CIZ1: variants seen among roughly 807,000 people sequenced by gnomAD.
The protein encoded by CIZ1 is CDKN1A interacting zinc finger protein 1.
CIZ1 carries 58 observed loss-of-function variants against 118.6 expected under a neutral mutation model. The ratio of observed to expected loss-of-function variants is 0.49; its 90% confidence interval spans 0.40 to 0.61. CIZ1 has a LOEUF of 0.61. Among genes scored for constraint, CIZ1 ranks in the 20% least tolerant of loss-of-function variants. The probability of loss-of-function intolerance (pLI) is 0.00; values close to 1 mark genes in which losing one functional copy is unlikely to be tolerated. For missense variants in CIZ1, 921 were observed against 1,115.9 expected (o/e 0.83, Z 2.49); for synonymous variants, 448 against 443.4 (o/e 1.01, Z -0.13).
At position 128,203,390 on chromosome 9, in the gene CIZ1, G is replaced by T. The variant is rs534786408; in HGVS notation, c.-6+796C>A. 87 of 1,286,388 alleles carry T rather than the reference G, an allele frequency of 6.8e-5. 1 individual carries two copies. The South Asian group carries it at 1.5e-3, about 23-fold the overall frequency. 79.7% of individuals were successfully genotyped at this position (1,286,388 alleles called of 1,614,324 possible). On this transcript the variant is annotated intron_variant, in intron 1 of 17. Coordinates refer to the CIZ1 transcript ENST00000372948. This position sits in a 1 kb window ranked among gnomAD's most constrained non-coding sequence, Gnocchi z 5.3. Reference sequence around the variant, plus strand: ...CCCGCGGCGCAGGCAGTCTGGGCGCGCGGCTGCAGCGGCGGAGCCGGAGTC... The same window carrying T: ...CCCGCGGCGCAGGCAGTCTGGGCGCTCGGCTGCAGCGGCGGAGCCGGAGTC...
At chr9:128,193,689 G>A (rs1180663189), upstream of CIZ1, among the ~76,000 whole-genome samples, 1 of 152,018 alleles carries the variant, frequency 6.6e-6, no homozygotes, top group Admixed American at 6.6e-5. Flanking sequence ...CAGCCTGGGC[G>A]ACAGAGTGAG....
Position 128,176,347 on chromosome 9 carries a change from T to G in CIZ1, c.1943+4A>C, listed in dbSNP as rs751125034. 2.0e-5 allele frequency: 33 copies of G among 1,613,378 alleles called. No individual in the cohort carries two copies. Among genetic ancestry groups the G allele is most frequent in the Non-Finnish European group, 2.7e-5 (32 of 1,179,658 alleles). On this transcript the variant is annotated splice_donor_region_variant and intron_variant, in intron 11 of 16. Coordinates refer to ENST00000372938, the MANE Select transcript of CIZ1 (RefSeq NM_001131016.2). ...ACACAGAGCTTCCACGATCCCCCAC[T>G]CACTCATCCTCTGTCTCCAGGACGT...
chr9:128,172,607 G>A (rs1156271835), intron 11 of CIZ1, among the ~76,000 whole-genome samples: 2 of 152,190 alleles, frequency 1.3e-5, no homozygotes, highest in Non-Finnish European at 1.5e-5. Context: ...ATAAAGCCCT[G>A]TAAGAGCTCT....
At position 128,179,151 on chromosome 9, in the gene CIZ1, C is replaced by T; in HGVS notation, c.1056G>A (p.Glu352=). ...QKQAQTQTSP[E]HLVLQQKQVQ... ...CCTGCTTCTGTTGCAGCACTAAGTGCTCTGGAGAGGTCTGTGTTTGCGCCT... is the reference window on the plus strand; with the variant it reads ...CCTGCTTCTGTTGCAGCACTAAGTGTTCTGGAGAGGTCTGTGTTTGCGCCT... Residue 352 remains glutamate, a synonymous_variant, in exon 8 of 17, where the codon GAG becomes GAA. Coordinates refer to ENST00000372938, the MANE Select transcript of CIZ1 (RefSeq NM_001131016.2). 5.0e-6 allele frequency: 8 copies of T among 1,614,132 alleles called. No homozygotes were observed. The highest frequency in any genetic ancestry group is 6.8e-6 in the Non-Finnish European group (8 of 1,180,028).
chr9:128,191,744 G>T, upstream of CIZ1: 1 of 1,392,510 alleles, frequency 7.2e-7, no homozygotes, highest in Non-Finnish European at 9.3e-7. This position sits in a 1 kb window ranked among gnomAD's most constrained non-coding sequence, Gnocchi z 5.5. Context: ...TCTGTCCCGC[G>T]TCCTCCGCAT....
At chr9:128,187,601 AATACAT>A (rs1379418226) in intron 4 of CIZ1, among the ~76,000 whole-genome samples, 1 of 152,248 alleles carries the variant, frequency 6.6e-6, no homozygotes, top group Non-Finnish European at 1.5e-5. Flanking sequence ...ACTTGAAACA[AATACAT>A]ATACACATAT....
intron 5 of CIZ1, among the ~76,000 whole-genome samples, chr9:128,181,839 C>A (rs1564281689): frequency 6.6e-6 from 1 of 151,718 alleles, no homozygotes; most frequent in Admixed American, 6.6e-5. Flanking sequence ...TTGTGGAGGG[C>A]CTGACATCAG....
At chr9:128,199,784 C>CT (rs34269035) in intron 1 of CIZ1, 60,838 of 128,620 alleles carry the variant, frequency 0.47, 16,855 homozygotes, top group South Asian at 0.7. Flanking sequence ...TTCTTTCTTT[C>CT]TTTTTTTTTT....
At chr9:128,180,640 T>A in intron 6 of CIZ1, 81 bp downstream of exon 6, 1 of 1,356,526 alleles carries the variant, frequency 7.4e-7, no homozygotes, top group Non-Finnish European at 1.0e-6. Context: ...CTCCCACACC[T>A]GCCTCTATCA....
chr9:128,201,718 C>A (rs1019822764), intron 1 of CIZ1, among the ~76,000 whole-genome samples: 2 of 152,236 alleles, frequency 1.3e-5, no homozygotes, highest in African/African-American at 4.8e-5. Context: ...GCCCCCTGAG[C>A]ACTAGGCCTG....
At chr9:128,173,652 G>C (rs1379502729) in intron 11 of CIZ1, among the ~76,000 whole-genome samples, 1 of 152,114 alleles carries the variant, frequency 6.6e-6, no homozygotes, top group Non-Finnish European at 1.5e-5. Flanking sequence ...GGTGGGGAGA[G>C]AACATGGTCA....
intron 11 of CIZ1, among the ~76,000 whole-genome samples, chr9:128,171,217 A>G (rs904086348): frequency 5.3e-5 from 8 of 151,366 alleles, no homozygotes; most frequent in Non-Finnish European, 1.0e-4. Flanking sequence ...GGATCGCTTG[A>G]GCCTAGAAGT....
rs544225182 is a variant in CIZ1, at chr9:128,167,025, G to C, written c.2365+70C>G. 16 of 1,578,942 alleles carry C rather than the reference G, an allele frequency of 1.0e-5. No individual in the cohort carries two copies. In the East Asian group the frequency reaches 3.0e-4, roughly 29 times the overall value. On this transcript the variant is annotated intron_variant, in intron 15 of 16. Transcript: ENST00000372938. ...AGCCAGAATGCCATGGCTGGGATAT[G>C]GGAGGGTCATGTGGAGGCTGGGCCC...
rs750548461 is a variant in CIZ1, at chr9:128,166,210, C to T, written c.2684G>A (p.Arg895His). The change falls in exon 17 of 17, where the codon CGC becomes CAC. Residue 895 changes from arginine (R) to histidine (H), a missense_variant. Transcript: ENST00000372938. The surrounding 1 kb of genome is among the most constrained non-coding windows in gnomAD (Gnocchi z 4.4). ...GAGGTCCCTCTATCAGGTTTTGAGG[C>T]GGGTTGAGCGCCGAGGTAGTGGGGG... ...SQPPLPRRST[R>H]LKT is the part of the protein sequence containing the mutation. 4 of 1,253,612 alleles carry T rather than the reference C, an allele frequency of 3.2e-6. No homozygotes were observed. The African/African-American group carries it at 4.8e-5, about 15-fold the overall frequency. 77.7% of individuals were successfully genotyped at this position (1,253,612 alleles called of 1,614,324 possible).
At chr9:128,168,407 T>C (rs1413125132) in intron 14 of CIZ1, among the ~76,000 whole-genome samples, 3 of 151,838 alleles carry the variant, frequency 2.0e-5, no homozygotes, top group Non-Finnish European at 4.4e-5. Flanking sequence ...TCCCAGCTAC[T>C]TGGGAGGCTG....
intron 5 of CIZ1, among the ~76,000 whole-genome samples, chr9:128,183,862 T>G (rs1045290033): frequency 6.6e-6 from 1 of 152,102 alleles, no homozygotes; most frequent in African/African-American, 2.4e-5. Flanking sequence ...GTCTTCCAGG[T>G]TCAAGTGATT....
chr9:128,185,720 G>T lies in CIZ1; in HGVS notation c.415C>A (p.Pro139Thr), dbSNP rs753487535. ...AAATTTGGAGTGGCCAGTTGTGGGG[G>T]TGTGAGGCTGGGGGCTGCGAGGCCT... ...SPGLAAPSLTPPQLATPNLQQ... is the reference protein window; with the variant it reads ...SPGLAAPSLTTPQLATPNLQQ... The change falls in exon 5 of 17, where the codon CCC becomes ACC. Residue 139 changes from proline to threonine, a missense_variant. Coordinates refer to ENST00000372938, the MANE Select transcript of CIZ1 (RefSeq NM_001131016.2). 12 of 1,612,626 alleles carry T rather than the reference G, an allele frequency of 7.4e-6. No homozygotes were observed. The South Asian group carries it at 1.3e-4, about 18-fold the overall frequency.
At chr9:128,184,031 G>A (rs965837918) in intron 5 of CIZ1, among the ~76,000 whole-genome samples, 1 of 152,194 alleles carries the variant, frequency 6.6e-6, no homozygotes, top group African/African-American at 2.4e-5. Context: ...GCCTCCCAAA[G>A]TGTTGGGATT....
intron 4 of CIZ1, among the ~76,000 whole-genome samples, chr9:128,187,410 T>C (rs1213581101): frequency 6.6e-6 from 1 of 152,150 alleles, no homozygotes; most frequent in East Asian, 1.9e-4. Flanking sequence ...GAGCGCTGGG[T>C]TCAAATCCAG....
Sources: allele counts gnomAD v4.1 joint callset (sites outside exome capture counted in the v4.1 genomes callset), GRCh38; gene constraint gnomAD v4.1.1; non-coding constraint Gnocchi (gnomAD v3.1); transcripts MANE v1.5; gene names NCBI Gene and HGNC (gene_info 2026-07-23, HGNC 2026-07-21).